Variants in WWOX observed in about 807,000 individuals in gnomAD.
The protein encoded by WWOX is WW domain-containing oxidoreductase.
Under a neutral mutation model 46.2 loss-of-function variants are expected in WWOX, and 69 were observed. The observed-to-expected ratio is 1.49, with a 90% CI of 1.23 to 1.82. The LOEUF (loss-of-function observed/expected upper bound fraction) is 1.82, where lower values mean the gene tolerates loss of function less well. WWOX is among the 40% of genes most tolerant of loss of function. The pLI is 0.00. For missense variants in WWOX, 919 were observed against 542.6 expected (o/e 1.69, Z -6.89); for synonymous variants, 359 against 202.6 (o/e 1.77, Z -6.56).
At chr16:78,247,273 G>A (rs191026693) in intron 5 of WWOX, among the ~76,000 whole-genome samples, 1 of 152,128 alleles carries the variant, frequency 6.6e-6, no homozygotes, top group Non-Finnish European at 1.5e-5. Context: ...ACCAAGCATG[G>A]TGATGATAAA....
At chr16:79,100,712 A>T (rs1002791940) in intron 8 of WWOX, among the ~76,000 whole-genome samples, 8 of 152,166 alleles carry the variant, frequency 5.3e-5, no homozygotes, top group Non-Finnish European at 1.0e-4. Context: ...GTGCTTCAGC[A>T]CCTTGGCGTC....
intron 8 of WWOX, among the ~76,000 whole-genome samples, chr16:79,072,387 G>C (rs2048568209): frequency 6.6e-6 from 1 of 152,132 alleles, no homozygotes; most frequent in Non-Finnish European, 1.5e-5. Context: ...CCTCCCATAG[G>C]CATGAGACCT....
chr16:78,249,028 T>C (rs2037907745), intron 5 of WWOX, among the ~76,000 whole-genome samples: 1 of 151,956 alleles, frequency 6.6e-6, no homozygotes, highest in South Asian at 2.1e-4. Context: ...AGCTAATTTT[T>C]TTGTACTTTT....
chr16:79,076,240 A>T (rs190445035), intron 8 of WWOX, among the ~76,000 whole-genome samples: 3 of 152,212 alleles, frequency 2.0e-5, no homozygotes, highest in Middle Eastern at 3.2e-3. Flanking sequence ...GACCACACAC[A>T]GTGTCGTGTT....
At chr16:78,227,634 T>G (rs1247867404) in intron 5 of WWOX, among the ~76,000 whole-genome samples, 1 of 152,136 alleles carries the variant, frequency 6.6e-6, no homozygotes, top group East Asian at 1.9e-4. Flanking sequence ...CCCAGCACTT[T>G]GGGAGGCCTA....
intron 8 of WWOX, among the ~76,000 whole-genome samples, chr16:78,449,505 T>C (rs2083640785): frequency 6.6e-6 from 1 of 152,210 alleles, no homozygotes; most frequent in Admixed American, 6.5e-5. Context: ...GTGGTAGATT[T>C]ACTCACAGGA....
intron 8 of WWOX, among the ~76,000 whole-genome samples, chr16:78,869,158 C>G (rs998836704): frequency 6.6e-6 from 1 of 152,038 alleles, no homozygotes; most frequent in Non-Finnish European, 1.5e-5. Context: ...ATTGTATATA[C>G]GTTTTAGTCA....
intron 6 of WWOX, among the ~76,000 whole-genome samples, chr16:78,420,738 C>T (rs28450552): frequency 0.087 from 13,117 of 150,626 alleles, 1,655 homozygotes; most frequent in African/African-American, 0.28. Context: ...ACTAAAACAG[C>T]TGTACAGTAT....
chr16:79,077,945 C>G (rs140811744), intron 8 of WWOX: 1 of 152,122 alleles, frequency 6.6e-6, no homozygotes, highest in East Asian at 1.9e-4. Context: ...ATCCCTGACC[C>G]CTTCTTCTCC....
intron 6 of WWOX, among the ~76,000 whole-genome samples, chr16:78,424,076 CTTTTTCTTTG>C (rs1317226457): frequency 1.5e-5 from 2 of 133,000 alleles, no homozygotes; most frequent in African/African-American, 2.8e-5. Flanking sequence ...TTTGTTTTTT[CTTTTTCTTTG>C]TTTTTCTTTT....
At chr16:79,009,843 G>A (rs555702370) in intron 8 of WWOX, among the ~76,000 whole-genome samples, 1 of 152,146 alleles carries the variant, frequency 6.6e-6, no homozygotes, top group Non-Finnish European at 1.5e-5. Flanking sequence ...TATCATGGGG[G>A]CTTCGACCTC....
At chr16:78,466,008 T>C (rs2151428769) in intron 8 of WWOX, among the ~76,000 whole-genome samples, 1 of 150,430 alleles carries the variant, frequency 6.6e-6, no homozygotes, top group East Asian at 1.9e-4. Flanking sequence ...TGTTAATGAG[T>C]ACAAGTTTCT....
intron 5 of WWOX, among the ~76,000 whole-genome samples, chr16:78,260,095 G>A (rs1183358926): frequency 1.3e-5 from 2 of 151,240 alleles, no homozygotes; most frequent in African/African-American, 4.9e-5. Context: ...TCAGCTCGAT[G>A]CCTCTTGAGG....
chr16:78,215,287 T>C (rs968593983), intron 5 of WWOX, among the ~76,000 whole-genome samples: 7 of 152,224 alleles, frequency 4.6e-5, no homozygotes, highest in Admixed American at 4.6e-4. Flanking sequence ...ATGGTTTGGC[T>C]GTGTCCCCAC....
chr16:79,198,688 A>G (rs2051289098), intron 8 of WWOX, among the ~76,000 whole-genome samples: 1 of 152,252 alleles, frequency 6.6e-6, no homozygotes, highest in Non-Finnish European at 1.5e-5. Flanking sequence ...CCTACGTAGT[A>G]GCTGTGTGAC....
At chr16:78,662,152 C>T (rs1280634539) in intron 8 of WWOX, among the ~76,000 whole-genome samples, 1 of 152,126 alleles carries the variant, frequency 6.6e-6, no homozygotes, top group Admixed American at 6.5e-5. Flanking sequence ...TTAAGTGCTT[C>T]ACAGTGAGGC....
chr16:78,532,708 G>T (rs553594707), intron 8 of WWOX, among the ~76,000 whole-genome samples: 2 of 152,264 alleles, frequency 1.3e-5, no homozygotes, highest in South Asian at 4.2e-4. Context: ...CAGCAGGCAA[G>T]AAAGAACTTG....
chr16:78,248,109 C>G (rs1455798571), intron 5 of WWOX, among the ~76,000 whole-genome samples: 1 of 152,140 alleles, frequency 6.6e-6, no homozygotes, highest in African/African-American at 2.4e-5. Context: ...AAAGAAATAC[C>G]TGAGACTGGG....
intron 5 of WWOX, among the ~76,000 whole-genome samples, chr16:78,237,073 CA>C (rs35866443): frequency 0.16 from 12,942 of 80,606 alleles, 425 homozygotes; most frequent in South Asian, 0.28. Flanking sequence ...GACTCCGTCT[CA>C]AAAAAAAAAA....
Sources: allele counts gnomAD v4.1 joint callset (sites outside exome capture counted in the v4.1 genomes callset), GRCh38; gene constraint gnomAD v4.1.1; transcripts MANE v1.5; gene names NCBI Gene and HGNC (gene_info 2026-07-23, HGNC 2026-07-21).